ZNF559: variants seen among roughly 807,000 people sequenced by gnomAD.
ZNF559 encodes the protein putative protein product of Nbla00121.
In ZNF559, 17 loss-of-function variants were observed where a neutral mutation model predicts 14.2. The observed-to-expected ratio is 1.20, with a 90% CI of 0.82 to 1.80. The LOEUF is 1.80. Among genes scored for constraint, ZNF559 ranks in the 40% most tolerant of loss-of-function variants. The probability of loss-of-function intolerance (pLI) is 0.00; values close to 1 mark genes in which losing one functional copy is unlikely to be tolerated. For synonymous variants in ZNF559, 244 were observed against 212.4 expected, an observed-to-expected ratio of 1.15 and a Z score of -1.29; for missense variants, 740 against 629.7, an observed-to-expected ratio of 1.18 and a Z score of -1.88.
rs769798389 is a variant in ZNF559 at position 9,341,790 on chromosome 19, C to A, written c.339C>A (p.Tyr113Ter). The change falls in exon 7 of 7, where the codon TAC (tyrosine) becomes TAA (stop). Residue 113 changes from tyrosine (Y) to a stop codon, truncating the protein, a stop_gained. Coordinates refer to ENST00000603380, the MANE Select transcript of ZNF559 (RefSeq NM_032497.3). LOFTEE classifies it low-confidence loss of function (END_TRUNC). ...HSCLKTHRRT[Y>*]FRKKTCECNQ... ...GCCTTAAGACTCACAGGAGAACTTA[C>A]TTTAGAAAGAAAACCTGTGAGTGTA... 3 of 1,608,648 alleles carry A rather than the reference C, an allele frequency of 1.9e-6. No individual in the cohort carries two copies. In the South Asian group the frequency reaches 3.3e-5, roughly 18 times the overall value.
chr19:9,326,068 T>G (rs1157473823), intron 2 of ZNF559, among the ~76,000 whole-genome samples: 2 of 151,350 alleles, frequency 1.3e-5, no homozygotes, highest in African/African-American at 2.4e-5. Context: ...TGTTTTTAGA[T>G]CTGTTAAATC....
intron 2 of ZNF559, among the ~76,000 whole-genome samples, chr19:9,332,053 A>G (rs956086849): frequency 6.6e-6 from 1 of 152,168 alleles, no homozygotes; most frequent in Non-Finnish European, 1.5e-5. Context: ...TTTGTAATAC[A>G]GTTAAAAAGC....
upstream of ZNF559, chr19:9,324,020 C>G: frequency 3.8e-6 from 3 of 780,978 alleles, no homozygotes; most frequent in East Asian, 8.1e-5. Flanking sequence ...AGTCAAGACC[C>G]CCTACCGGTG....
chr19:9,340,733 ATTTTTTT>A (rs201367378), intron 5 of ZNF559, among the ~76,000 whole-genome samples: 1 of 124,662 alleles, frequency 8.0e-6, no homozygotes, highest in Non-Finnish European at 1.6e-5. Flanking sequence ...TGCCTGGCTA[ATTTTTTT>A]TTTTTTTTTG....
chr19:9,326,350 C>T (rs571333137), intron 2 of ZNF559, among the ~76,000 whole-genome samples: 9 of 152,208 alleles, frequency 5.9e-5, no homozygotes, highest in African/African-American at 1.7e-4. Flanking sequence ...CGTGATCTGC[C>T]GGCCTTGGCC....
Position 9,324,765 on chromosome 19 carries a change from A to G in ZNF559, c.-135A>G. ...TCCTCCTGGCCTCAGCAACCTGACA[A>G]TTCTGTCGTGTCCCGGTGAGCACTT... On this transcript the variant is annotated 5_prime_UTR_variant, in exon 2 of 7. Coordinates refer to ENST00000603380, the MANE Select transcript of ZNF559 (RefSeq NM_032497.3). 6.5e-7 allele frequency: 1 copy of G among 1,535,540 alleles called. No individual in the cohort carries two copies. Among genetic ancestry groups the G allele is most frequent in the African/African-American group, 1.4e-5 (1 of 73,044 alleles).
chr19:9,331,479 A>G (rs1216445250), intron 2 of ZNF559, among the ~76,000 whole-genome samples: 1 of 152,222 alleles, frequency 6.6e-6, no homozygotes, highest in African/African-American at 2.4e-5. Context: ...AATGATAACC[A>G]AAGGACAGCA....
At chr19:9,324,092 G>A (rs2066428567), upstream of ZNF559, 1 of 1,466,248 alleles carries the variant, frequency 6.8e-7, no homozygotes, top group South Asian at 1.2e-5. Context: ...GGAAAAAGCC[G>A]CAGCAGCTGA....
At chr19:9,329,415 C>T (rs2066817873) in intron 2 of ZNF559, among the ~76,000 whole-genome samples, 1 of 151,946 alleles carries the variant, frequency 6.6e-6, no homozygotes, top group Non-Finnish European at 1.5e-5. Flanking sequence ...TGATGAGCTC[C>T]CTAAATATAT....
rs79134515 is a variant in ZNF559, at chr19:9,324,674, G to A, written c.-205-21G>A. On this transcript the variant is annotated intron_variant, in intron 1 of 6. Transcript: ENST00000603380. ...AAAAAAAAAAGTCTCCACATCCAGC[G>A]TTGTGCCTTTTCTCTATAAGGAACA... 29 of 1,477,480 alleles carry A rather than the reference G, an allele frequency of 2.0e-5. No individual in the cohort carries two copies. In the East Asian group the frequency reaches 6.7e-4, roughly 34 times the overall value. 91.5% of individuals were successfully genotyped at this position (1,477,480 alleles called of 1,614,324 possible).
intron 6 of ZNF559, chr19:9,341,437 C>A: frequency 1.3e-6 from 1 of 777,866 alleles, no homozygotes; most frequent in Non-Finnish European, 2.2e-6. Flanking sequence ...AAATAATTCA[C>A]TCTTGGGCCG....
chr19:9,333,088 A>C (rs1311396246), intron 2 of ZNF559: 1 of 152,202 alleles, frequency 6.6e-6, no homozygotes, highest in Admixed American at 6.5e-5. Context: ...CTCCCACCTC[A>C]GTCTTCTGAA....
chr19:9,326,091 A>T, intron 2 of ZNF559, among the ~76,000 whole-genome samples: 1 of 146,826 alleles, frequency 6.8e-6, no homozygotes, highest in Admixed American at 6.8e-5. Flanking sequence ...TTTTTTAACT[A>T]GACTATTCAC....
intron 4 of ZNF559, among the ~76,000 whole-genome samples, 195 bp downstream of exon 4, chr19:9,338,777 A>G (rs1285136586): frequency 6.6e-6 from 1 of 152,144 alleles, no homozygotes; most frequent in African/African-American, 2.4e-5. Context: ...GTACTATCCC[A>G]CTGTTTACTA....
At chr19:9,329,307 G>T (rs1396329468) in intron 2 of ZNF559, among the ~76,000 whole-genome samples, 1 of 152,012 alleles carries the variant, frequency 6.6e-6, no homozygotes, top group East Asian at 1.9e-4. Context: ...TATTTTGTCT[G>T]GGTGATCCAG....
chr19:9,341,574 C>G, intron 6 of ZNF559, 121 bp from the exon 7 acceptor site: 1 of 1,535,392 alleles, frequency 6.5e-7, no homozygotes, highest in Non-Finnish European at 8.8e-7. Flanking sequence ...ATGGCAGGAA[C>G]AAACAGTTTC....
intron 2 of ZNF559, among the ~76,000 whole-genome samples, chr19:9,335,686 C>T (rs528182647): frequency 6.6e-6 from 1 of 152,282 alleles, no homozygotes; most frequent in South Asian, 2.1e-4. Context: ...AGACACGTAC[C>T]ACCACACCTG....
intron 3 of ZNF559, 141 bp from the exon 4 acceptor site, chr19:9,338,353 C>A: frequency 1.6e-6 from 1 of 637,936 alleles, no homozygotes; most frequent in Non-Finnish European, 2.7e-6. Flanking sequence ...TATTTTCTGG[C>A]TTCAGGTGAG....
intron 2 of ZNF559, among the ~76,000 whole-genome samples, chr19:9,332,844 G>A (rs1226242719): frequency 6.6e-6 from 1 of 152,082 alleles, no homozygotes; most frequent in African/African-American, 2.4e-5. Flanking sequence ...CTGCATTCTT[G>A]GCTCTCTGAG....
Sources: gnomAD v4.1 joint callset for allele counts (sites outside exome capture counted in the v4.1 genomes callset) on GRCh38, gnomAD v4.1.1 for gene constraint, MANE v1.5 for transcripts, NCBI Gene and HGNC (gene_info 2026-07-23, HGNC 2026-07-21) for gene names.